The following CSF1R variants were observed in gnomAD, a reference collection of about 807,000 sequenced individuals.
CSF1R encodes macrophage colony-stimulating factor 1 receptor.
Under a neutral mutation model 110.0 loss-of-function variants are expected in CSF1R, and 40 were observed. The observed-to-expected ratio is 0.36, with a 90% CI of 0.28 to 0.47. The LOEUF (loss-of-function observed/expected upper bound fraction) is 0.47, where lower values mean the gene tolerates loss of function less well. Ranked by LOEUF, CSF1R falls within the 20% of genes least tolerant of loss-of-function variation. The probability of loss-of-function intolerance (pLI) is 0.99; values close to 1 mark genes in which losing one functional copy is unlikely to be tolerated. For synonymous variants in CSF1R, 523 were observed against 503.4 expected (o/e 1.04, Z -0.52); for missense variants, 1,052 against 1,253.0 (o/e 0.84, Z 2.42).
intron 1 of CSF1R, among the ~76,000 whole-genome samples, chr5:150,099,666 C>G (rs897829314): frequency 3.8e-4 from 54 of 140,896 alleles, no homozygotes; most frequent in African/African-American, 1.4e-3. Flanking sequence ...TCATATGACA[C>G]TCTTGTAAAC....
At chr5:150,109,522 C>A (rs1208037565) in intron 1 of CSF1R, among the ~76,000 whole-genome samples, 1 of 152,242 alleles carries the variant, frequency 6.6e-6, no homozygotes, top group Non-Finnish European at 1.5e-5. Context: ...GAGAATGTTT[C>A]AGCTTGGCGC....
At chr5:150,063,482 G>C (rs1413119791) in intron 10 of CSF1R, among the ~76,000 whole-genome samples, 1 of 152,106 alleles carries the variant, frequency 6.6e-6, no homozygotes, top group Non-Finnish European at 1.5e-5. Flanking sequence ...AAAGTGCTGG[G>C]ATTATAGGCG....
Position 150,056,156 on chromosome 5 carries a change from G to A in CSF1R, c.2443-19C>T, listed in dbSNP as rs774843893. ...GGCGGGCCTGGGATGACAGTCCCCA[G>A]TTATTTTGGGCCCCGACTCTTCACC... On this transcript the variant is annotated intron_variant, in intron 17 of 20. Coordinates refer to ENST00000675795, the MANE Select transcript of CSF1R (RefSeq NM_001288705.3). 111 of 1,614,074 alleles carry A rather than the reference G, an allele frequency of 6.9e-5. 1 individual carries two copies. The highest frequency in any genetic ancestry group is 5.1e-4 in the South Asian group (46 of 91,080).
At chr5:150,095,414 A>G (rs1200223772) in intron 1 of CSF1R, among the ~76,000 whole-genome samples, 1 of 152,240 alleles carries the variant, frequency 6.6e-6, no homozygotes, top group Non-Finnish European at 1.5e-5. Context: ...TAAATAAGTT[A>G]TGCAAAGTAT....
intron 13 of CSF1R, among the ~76,000 whole-genome samples, chr5:150,060,094 A>G (rs1335230068): frequency 6.6e-6 from 1 of 152,074 alleles, no homozygotes; most frequent in African/African-American, 2.4e-5. Context: ...TTGGGAGGCC[A>G]AGGTGGGTGG....
In CSF1R at chr5:150,080,196, G is replaced by T; in HGVS notation, c.448C>A (p.Arg150Ser). 4 of 1,613,626 alleles carry T rather than the reference G, an allele frequency of 2.5e-6. No homozygotes were observed. Among genetic ancestry groups the T allele is most frequent in the Non-Finnish European group, 3.4e-6 (4 of 1,180,042 alleles). The stretch of plus-strand genomic sequence containing the variant: ...GGCGAGAAGGAGTAGTTGGTGTGGC[G>T]CATGAGGGGCCGGCCACGCACACGC... ...LVRVRGRPLM[R>S]HTNYSFSPWH... Residue 150 changes from arginine to serine, a missense_variant, in exon 3 of 21, where the codon CGC (arginine) becomes AGC (serine). By Grantham distance (110) the Arg-to-Ser change is moderately radical. This residue lies in a region of CSF1R where 693 missense variants were observed against 735.4 expected (regional missense o/e 0.94). Transcript: ENST00000675795.
chr5:150,081,438 C>T (rs933404008), intron 1 of CSF1R, among the ~76,000 whole-genome samples: 1 of 152,090 alleles, frequency 6.6e-6, no homozygotes, highest in African/African-American at 2.4e-5. Flanking sequence ...ATGTTCACGG[C>T]CAAGTCCTCA....
intron 19 of CSF1R, 42 bp downstream of exon 19, chr5:150,055,195 G>A: frequency 6.4e-7 from 1 of 1,564,780 alleles, no homozygotes; most frequent in Non-Finnish European, 8.8e-7. Flanking sequence ...TCCAGCGAAA[G>A]CCTGGGGTGT....
Position 150,065,803 on chromosome 5 carries a change from G to T in CSF1R, c.1626+2412C>A, listed in dbSNP as rs114240515. Among the ~76,000 whole-genome samples, 749 of 152,344 alleles carry T rather than the reference G, an allele frequency of 4.9e-3. 5 individuals carry two copies. Among genetic ancestry groups the T allele is most frequent in the South Asian group, 0.016 (77 of 4,824 alleles). On this transcript the variant is annotated intron_variant, in intron 10 of 20. Transcript: ENST00000675795. ...CAGCTGAATTTCCTGGACAGGAAGTGTGGAGGTGACATGTTCCAAAAATGG... is the reference window on the plus strand; with the variant it reads ...CAGCTGAATTTCCTGGACAGGAAGTTTGGAGGTGACATGTTCCAAAAATGG...
At chr5:150,063,836 G>A (rs1043375831) in intron 10 of CSF1R, among the ~76,000 whole-genome samples, 1 of 152,140 alleles carries the variant, frequency 6.6e-6, no homozygotes, top group Non-Finnish European at 1.5e-5. Context: ...ACTCTTTCCG[G>A]CCAGGCCTTG....
chr5:150,077,765 A>G (rs1052168916), intron 4 of CSF1R, among the ~76,000 whole-genome samples: 1 of 152,130 alleles, frequency 6.6e-6, no homozygotes, highest in African/African-American at 2.4e-5. Flanking sequence ...TAGCTGTTAT[A>G]TTCCTGGGCT....
At chr5:150,096,809 G>T (rs57549947) in intron 1 of CSF1R, among the ~76,000 whole-genome samples, 1 of 152,094 alleles carries the variant, frequency 6.6e-6, no homozygotes, top group Non-Finnish European at 1.5e-5. Context: ...CTTCAATATG[G>T]TAAAGGGCAT....
rs55865465 is a variant in CSF1R, at chr5:150,080,896, G to A, written c.178C>T (p.Leu60=). 5.7e-4 allele frequency: 916 copies of A among 1,614,188 alleles called. 11 individuals are homozygous for A. In the East Asian group the frequency reaches 0.013, roughly 23 times the overall value. Residue 60 remains leucine (L), a synonymous_variant, in exon 2 of 21, where the codon CTG becomes TTG. Coordinates refer to ENST00000675795, the MANE Select transcript of CSF1R (RefSeq NM_001288705.3). ...WDGPPSPHWT[L]YSDGSSSILS... is the part of the protein sequence containing the mutation. ...ATGCTGCTGGAGCCATCAGAGTACAGGGTCCAGTGAGGTGATGGGGGGCCA... is the reference window on the plus strand; with the variant it reads ...ATGCTGCTGGAGCCATCAGAGTACAAGGTCCAGTGAGGTGATGGGGGGCCA...
At chr5:150,084,782 A>G (rs1424479049) in intron 1 of CSF1R, among the ~76,000 whole-genome samples, 3 of 152,146 alleles carry the variant, frequency 2.0e-5, no homozygotes, top group Non-Finnish European at 4.4e-5. Context: ...AAAAAATAAA[A>G]TTAAATTGAG....
rs541829678 is a variant in CSF1R at position 150,070,014 on chromosome 5, C to T, written c.1369G>A (p.Val457Ile). ...LQVWDDPYPE[V>I]LSQEPFHKVT... Reference sequence around the variant, plus strand: ...TTGTGGAAGGGCTCCTGGCTCAGGACCTCAGGGTATGGGTCATCCCAGACC... The same window carrying T: ...TTGTGGAAGGGCTCCTGGCTCAGGATCTCAGGGTATGGGTCATCCCAGACC... The change falls in exon 9 of 21, where the codon GTC (valine) becomes ATC (isoleucine). Residue 457 changes from valine (V) to isoleucine (I), a missense_variant. By Grantham distance (29) the Val-to-Ile change is conservative. Coordinates refer to ENST00000675795, the MANE Select transcript of CSF1R (RefSeq NM_001288705.3). 2.5e-6 allele frequency: 4 copies of T among 1,614,012 alleles called. No individual in the cohort carries two copies. The highest frequency in any genetic ancestry group is 3.4e-6 in the Non-Finnish European group (4 of 1,180,008).
chr5:150,062,142 T>C (rs1757560391), intron 10 of CSF1R, among the ~76,000 whole-genome samples: 1 of 152,168 alleles, frequency 6.6e-6, no homozygotes, highest in Non-Finnish European at 1.5e-5. Flanking sequence ...TCTCTGATAA[T>C]CTGGTAATTC....
chr5:150,070,347 C>T (rs759713823), intron 7 of CSF1R, 45 bp from the exon 8 acceptor site: 9 of 1,603,206 alleles, frequency 5.6e-6, no homozygotes, highest in South Asian at 1.1e-5. Context: ...TTCCCCGCCA[C>T]CTCCCAATCT....
rs1199993927 is a variant in CSF1R at position 150,053,970 on chromosome 5, G to A, written c.*99C>T. 2.4e-6 allele frequency: 3 copies of A among 1,246,924 alleles called. No individual in the cohort carries two copies. Among genetic ancestry groups the A allele is most frequent in the East Asian group, 2.5e-5 (1 of 39,576 alleles). The allele number at this position is 1,246,924 out of a possible 1,614,324, so 77.2% of individuals were successfully genotyped here. ...GCTGGGCCGAGCTGTTGAGTGAAAT[G>A]ACCGAAGGCAGAGTTTGTATGTTCT... is the stretch of plus-strand genomic sequence containing the variant. On this transcript the variant is annotated 3_prime_UTR_variant, in exon 21 of 21. Transcript: ENST00000675795.
At chr5:150,101,454 T>C (rs1398600300) in intron 1 of CSF1R, among the ~76,000 whole-genome samples, 1 of 152,116 alleles carries the variant, frequency 6.6e-6, no homozygotes, top group Non-Finnish European at 1.5e-5. Flanking sequence ...AGCTAACTGA[T>C]AGAGTGAGCT....
Sources: gnomAD v4.1 joint callset for allele counts (sites outside exome capture counted in the v4.1 genomes callset) on GRCh38, gnomAD v4.1.1 for gene constraint, gnomAD v4.1.1 regional missense constraint, MANE v1.5 for transcripts, NCBI Gene and HGNC (gene_info 2026-07-23, HGNC 2026-07-21) for gene names.